GPR39: variants seen among roughly 807,000 people sequenced by gnomAD.
GPR39 encodes the protein G protein-coupled receptor 39.
GPR39 carries 23 observed loss-of-function variants against 18.4 expected under a neutral mutation model. The observed-to-expected ratio is 1.25, with a 90% CI of 0.90 to 1.77. The LOEUF (loss-of-function observed/expected upper bound fraction) is 1.77. Among genes scored for constraint, GPR39 ranks in the 40% most tolerant of loss-of-function variants. The probability of loss-of-function intolerance (pLI) is 0.00; values close to 1 mark genes in which losing one functional copy is unlikely to be tolerated. For missense variants in GPR39, 647 were observed against 602.4 expected (o/e 1.07, Z -0.78); for synonymous variants, 280 against 257.9 (o/e 1.09, Z -0.82).
chr2:132,522,662 G>C (rs905653479), intron 1 of GPR39, among the ~76,000 whole-genome samples: 2 of 152,162 alleles, frequency 1.3e-5, no homozygotes, highest in Non-Finnish European at 2.9e-5. Flanking sequence ...TTTGGCCCTG[G>C]GTAGTGTGAG....
chr2:132,453,477 T>C (rs1417248433), intron 1 of GPR39, among the ~76,000 whole-genome samples: 3 of 152,230 alleles, frequency 2.0e-5, no homozygotes, highest in Admixed American at 6.5e-5. Context: ...AGAAGCTCTT[T>C]AGTTTAATTA....
chr2:132,590,940 C>T (rs1680824757), intron 1 of GPR39, among the ~76,000 whole-genome samples: 1 of 151,872 alleles, frequency 6.6e-6, no homozygotes, highest in Non-Finnish European at 1.5e-5. Flanking sequence ...AATCAGCTGC[C>T]AGCACAGCTA....
intron 1 of GPR39, among the ~76,000 whole-genome samples, chr2:132,574,609 C>G (rs1680498930): frequency 1.3e-5 from 2 of 152,064 alleles, no homozygotes; most frequent in African/African-American, 4.8e-5. Context: ...ATGGTGTGTA[C>G]CTGTAATCCC....
chr2:132,544,203 T>C (rs1679904971), intron 1 of GPR39, among the ~76,000 whole-genome samples: 1 of 152,248 alleles, frequency 6.6e-6, no homozygotes, highest in Non-Finnish European at 1.5e-5. Flanking sequence ...GACTCTGGCT[T>C]GCCTGGGAGA....
intron 1 of GPR39, among the ~76,000 whole-genome samples, chr2:132,457,802 C>A (rs1271065551): frequency 6.6e-6 from 1 of 152,328 alleles, no homozygotes; most frequent in East Asian, 1.9e-4. Flanking sequence ...TTTGAGCTTC[C>A]CAGCCACTTT....
chr2:132,457,651 C>T (rs143000625), intron 1 of GPR39, among the ~76,000 whole-genome samples: 1 of 152,220 alleles, frequency 6.6e-6, no homozygotes, highest in Admixed American at 6.5e-5. Context: ...CTGGGAGAAC[C>T]ACTGCTCTCT....
At chr2:132,489,406 G>C (rs1204572060) in intron 1 of GPR39, among the ~76,000 whole-genome samples, 1 of 152,114 alleles carries the variant, frequency 6.6e-6, no homozygotes, top group Non-Finnish European at 1.5e-5. Context: ...CCTAGCTCTG[G>C]TGACTGTGAC....
intron 1 of GPR39, among the ~76,000 whole-genome samples, chr2:132,448,824 C>T (rs60861464): frequency 0.019 from 2,935 of 152,242 alleles, 100 homozygotes; most frequent in African/African-American, 0.062. Flanking sequence ...TTTAATCATG[C>T]GGCAAAATCT....
intron 1 of GPR39, among the ~76,000 whole-genome samples, chr2:132,560,523 C>A (rs143460235): frequency 6.6e-6 from 1 of 152,238 alleles, no homozygotes; most frequent in Non-Finnish European, 1.5e-5. Context: ...CTGCCTTCCC[C>A]GCTCTACTGA....
At chr2:132,535,361 T>G (rs190338074) in intron 1 of GPR39, among the ~76,000 whole-genome samples, 2 of 152,348 alleles carry the variant, frequency 1.3e-5, no homozygotes, top group East Asian at 3.9e-4. Context: ...ATGTGATGAA[T>G]TACATTTATT....
intron 1 of GPR39, among the ~76,000 whole-genome samples, chr2:132,454,120 A>G (rs918955429): frequency 5.9e-5 from 9 of 152,160 alleles, no homozygotes; most frequent in African/African-American, 2.2e-4. Context: ...TGATCATGGA[A>G]TGTTCTTCCA....
At chr2:132,597,440 G>A (rs1680966850) in intron 1 of GPR39, among the ~76,000 whole-genome samples, 2 of 152,192 alleles carry the variant, frequency 1.3e-5, no homozygotes, top group African/African-American at 4.8e-5. Context: ...GCTGTTCCTT[G>A]ACAGTCTCTT....
chr2:132,417,850 G>C lies in GPR39; in HGVS notation c.808G>C (p.Glu270Gln). 1 of 1,610,280 alleles carries C rather than the reference G, an allele frequency of 6.2e-7. No individual in the cohort carries two copies. The highest frequency in any genetic ancestry group is 8.5e-7 in the Non-Finnish European group (1 of 1,179,616). ...GCGGCCTCCGCAGCTGAGGAAGTCCGAGAGCGAAGAGAGCAGGACCGCCAG... is the reference window on the plus strand; with the variant it reads ...GCGGCCTCCGCAGCTGAGGAAGTCCCAGAGCGAAGAGAGCAGGACCGCCAG... ...GTRPPQLRKS[E>Q]SEESRTARRQ... Residue 270 changes from glutamate (E) to glutamine (Q), a missense_variant, in exon 1 of 2, where the codon GAG (glutamate) becomes CAG (glutamine). This residue lies in a region of GPR39 where 581 missense variants were observed against 506.8 expected (regional missense o/e 1.15). Transcript: ENST00000329321.
intron 1 of GPR39, among the ~76,000 whole-genome samples, chr2:132,584,259 A>G (rs1680682218): frequency 6.6e-6 from 1 of 152,138 alleles, no homozygotes; most frequent in African/African-American, 2.4e-5. Flanking sequence ...AGTCCTGAGA[A>G]CAATGTATGC....
chr2:132,493,185 TATATATACACC>T (rs1183679740), intron 1 of GPR39, among the ~76,000 whole-genome samples: 2,589 of 140,856 alleles, frequency 0.018, 104 homozygotes, highest in African/African-American at 0.064. Flanking sequence ...ATATACACCA[TATATATACACC>T]ATATATACAC....
chr2:132,439,081 A>C (rs903396471), intron 1 of GPR39, among the ~76,000 whole-genome samples: 1 of 152,216 alleles, frequency 6.6e-6, no homozygotes, highest in African/African-American at 2.4e-5. Flanking sequence ...TCTCCAACAT[A>C]AATAGCTTGG....
At chr2:132,605,923 C>CT (rs1247462419) in intron 1 of GPR39, among the ~76,000 whole-genome samples, 1 of 152,192 alleles carries the variant, frequency 6.6e-6, no homozygotes, top group East Asian at 1.9e-4. Flanking sequence ...TTGGCTGTCA[C>CT]TTTCATTTAG....
chr2:132,462,322 G>A (rs1444642747), intron 1 of GPR39, among the ~76,000 whole-genome samples: 1 of 151,870 alleles, frequency 6.6e-6, no homozygotes, highest in Admixed American at 6.5e-5. Flanking sequence ...TCTTGTGAAA[G>A]GATATGATTG....
intron 1 of GPR39, among the ~76,000 whole-genome samples, chr2:132,595,437 G>T (rs138581949): frequency 6.6e-6 from 1 of 152,052 alleles, no homozygotes; most frequent in African/African-American, 2.4e-5. Flanking sequence ...AAATGAGTTC[G>T]CTGTCTTCGA....
Sources: allele counts gnomAD v4.1 joint callset (sites outside exome capture counted in the v4.1 genomes callset), GRCh38; gene constraint gnomAD v4.1.1; regional missense constraint gnomAD v4.1.1; transcripts MANE v1.5; gene names NCBI Gene and HGNC (gene_info 2026-07-23, HGNC 2026-07-21).